Variants in SKIC3 observed in about 807,000 individuals in gnomAD.
SKIC3 encodes the protein superkiller complex protein 3.
At chr5:95,507,021 A>C in the SKIC3 span, 1 of 1,611,098 alleles carries the variant, frequency 6.2e-7, no homozygotes, top group African/African-American at 1.3e-5. Flanking sequence ...CCTTAAAAAA[A>C]AAAAGGTATT....
chr5:95,552,644 T>G, the SKIC3 span, among the ~76,000 whole-genome samples: 1 of 152,088 alleles, frequency 6.6e-6, no homozygotes, highest in Admixed American at 6.6e-5. Flanking sequence ...CAAAGAGGGC[T>G]TTCGGAACTC....
the SKIC3 span, among the ~76,000 whole-genome samples, chr5:95,487,927 T>C: frequency 1.3e-5 from 2 of 151,824 alleles, no homozygotes. Context: ...TAAAAACCAG[T>C]ACAAAGAAAT....
the SKIC3 span, chr5:95,524,381 T>C: frequency 6.4e-7 from 1 of 1,557,240 alleles, no homozygotes; most frequent in Non-Finnish European, 8.7e-7. Context: ...CAGTAAAGAG[T>C]AATTGTAACT....
At chr5:95,480,104 T>C in the SKIC3 span, among the ~76,000 whole-genome samples, 1 of 152,156 alleles carries the variant, frequency 6.6e-6, no homozygotes, top group African/African-American at 2.4e-5. Context: ...GGATAAATTA[T>C]AGACCTAAAC....
the SKIC3 span, chr5:95,507,077 C>T: frequency 1.5e-5 from 21 of 1,421,228 alleles, no homozygotes; most frequent in Non-Finnish European, 1.6e-5. Context: ...TCCTCTTTAG[C>T]TGAATCCACA....
chr5:95,489,040 G>T, the SKIC3 span, among the ~76,000 whole-genome samples: 1 of 152,180 alleles, frequency 6.6e-6, no homozygotes, highest in Non-Finnish European at 1.5e-5. Flanking sequence ...ATATAGGCTG[G>T]ATGTGGTGGC....
chr5:95,478,341 C>T, the SKIC3 span: 16 of 1,613,912 alleles, frequency 9.9e-6, no homozygotes, highest in Middle Eastern at 4.9e-4. Context: ...TTGAGAGCTT[C>T]CCACTCCAAC....
chr5:95,522,241 G>A, the SKIC3 span: 1 of 1,613,764 alleles, frequency 6.2e-7, no homozygotes, highest in South Asian at 1.1e-5. Flanking sequence ...CTCTGCTTAA[G>A]TATGCTTCTC....
chr5:95,530,012 G>C, the SKIC3 span: 2 of 1,568,750 alleles, frequency 1.3e-6, no homozygotes, highest in African/African-American at 2.7e-5. Flanking sequence ...ATTCCTTAAA[G>C]AAAGGCTCAA....
the SKIC3 span, among the ~76,000 whole-genome samples, chr5:95,537,796 C>T: frequency 1.3e-5 from 2 of 152,156 alleles, no homozygotes; most frequent in Non-Finnish European, 1.5e-5. Flanking sequence ...CAGCTGGCTA[C>T]ACGTTCTGCA....
chr5:95,548,908 C>A, the SKIC3 span, among the ~76,000 whole-genome samples: 1 of 151,944 alleles, frequency 6.6e-6, no homozygotes, highest in Non-Finnish European at 1.5e-5. Flanking sequence ...CTTCTATCAC[C>A]CAACATTCAT....
the SKIC3 span, among the ~76,000 whole-genome samples, chr5:95,550,210 A>G: frequency 6.6e-6 from 1 of 152,076 alleles, no homozygotes; most frequent in Non-Finnish European, 1.5e-5. Context: ...AAGAGTTAGA[A>G]AGTGACAGTC....
chr5:95,540,271 C>T, the SKIC3 span, among the ~76,000 whole-genome samples: 1 of 152,004 alleles, frequency 6.6e-6, no homozygotes, highest in Admixed American at 6.6e-5. Flanking sequence ...GCTATGAGGA[C>T]ACAAAGGCAT....
the SKIC3 span, chr5:95,503,914 A>T: frequency 6.2e-7 from 1 of 1,614,046 alleles, no homozygotes; most frequent in Non-Finnish European, 8.5e-7. Context: ...AAGCCTGGAT[A>T]GCTTTATCAT....
the SKIC3 span, among the ~76,000 whole-genome samples, chr5:95,515,606 C>T: frequency 6.6e-6 from 1 of 152,036 alleles, no homozygotes; most frequent in Non-Finnish European, 1.5e-5. Flanking sequence ...CTTATTAAGA[C>T]ATTGTTTTAT....
chr5:95,494,913 T>A, the SKIC3 span: 3 of 1,598,722 alleles, frequency 1.9e-6, no homozygotes, highest in Admixed American at 5.0e-5. Flanking sequence ...TATTCCTTCA[T>A]CAATATTATT....
At chr5:95,490,986 T>G in the SKIC3 span, 4 of 1,614,124 alleles carry the variant, frequency 2.5e-6, no homozygotes, top group Non-Finnish European at 3.4e-6. Flanking sequence ...AAGGCCAGTT[T>G]ATCATCAGCG....
the SKIC3 span, among the ~76,000 whole-genome samples, chr5:95,490,264 T>C: frequency 6.6e-6 from 1 of 151,800 alleles, no homozygotes; most frequent in Non-Finnish European, 1.5e-5. Context: ...GCTGGTAAAG[T>C]CTCAAAGTAA....
chr5:95,489,775 G>A, the SKIC3 span, among the ~76,000 whole-genome samples: 8 of 151,978 alleles, frequency 5.3e-5, no homozygotes, highest in Middle Eastern at 3.5e-3. Context: ...TTGTCAATGC[G>A]GATAAAAAAT....
Sources: gnomAD v4.1 joint callset for allele counts (sites outside exome capture counted in the v4.1 genomes callset) on GRCh38, gnomAD v4.1.1 for gene constraint, MANE v1.5 for transcripts, NCBI Gene and HGNC (gene_info 2026-07-23, HGNC 2026-07-21) for gene names.